The following MTA3 variants were observed in gnomAD, a reference collection of about 807,000 sequenced individuals.
MTA3 encodes the protein metastasis-associated protein MTA3.
MTA3 carries 34 observed loss-of-function variants against 83.5 expected under a neutral mutation model. The ratio of observed to expected loss-of-function variants is 0.41; its 90% CI spans 0.31 to 0.54. The LOEUF (loss-of-function observed/expected upper bound fraction) is 0.54, where lower values mean the gene tolerates loss of function less well. MTA3 is among the 20% of genes least tolerant of loss of function. The pLI, the probability that MTA3 is intolerant of heterozygous loss-of-function variation, is 0.33. For synonymous variants in MTA3, 303 were observed against 252.7 expected (o/e 1.20, Z -1.89); for missense variants, 761 against 726.4 (o/e 1.05, Z -0.55).
intron 2 of MTA3, among the ~76,000 whole-genome samples, chr2:42,502,797 CAAA>C (rs3039405): frequency 2.3e-5 from 2 of 85,328 alleles, no homozygotes; most frequent in African/African-American, 1.1e-4. Flanking sequence ...AACTCTGTCT[CAAA>C]AAAAAAAAAA....
At position 42,730,330 on chromosome 2, in the gene MTA3, C is replaced by G. The variant is rs1668152702; in HGVS notation, c.1759+7295C>G. On this transcript the variant is annotated intron_variant, in intron 16 of 16. Coordinates refer to ENST00000405094, the MANE Select transcript of MTA3 (RefSeq NM_001330442.2). ...GAAAGGCTTTCAGCTTTTCCCTGTT[C>G]AGTATGATACTAGCTATGGATCTGT... Among the ~76,000 whole-genome samples, 3 of 152,250 alleles carry G rather than the reference C, an allele frequency of 2.0e-5. No individual in the cohort carries two copies. In the South Asian group the frequency reaches 6.2e-4, roughly 32 times the overall value.
At chr2:42,547,045 A>G (rs1201718829) in intron 2 of MTA3, among the ~76,000 whole-genome samples, 1 of 152,010 alleles carries the variant, frequency 6.6e-6, no homozygotes, top group African/African-American at 2.4e-5. Context: ...TCCCCCCACT[A>G]CTCTCTGATG....
chr2:42,659,958 G>A, intron 8 of MTA3, 96 bp downstream of exon 8: 3 of 849,556 alleles, frequency 3.5e-6, no homozygotes, highest in Non-Finnish European at 3.4e-6. Context: ...GGAGCTTTTG[G>A]GCTCTTAGCC....
intron 2 of MTA3, among the ~76,000 whole-genome samples, chr2:42,537,531 C>G (rs1676299776): frequency 1.3e-5 from 2 of 151,504 alleles, no homozygotes; most frequent in Admixed American, 1.3e-4. Context: ...AGCCATTGCA[C>G]TCCAGCCTGG....
chr2:42,691,424 A>G (rs1692889741), intron 9 of MTA3, among the ~76,000 whole-genome samples: 1 of 152,174 alleles, frequency 6.6e-6, no homozygotes, highest in Non-Finnish European at 1.5e-5. Context: ...CTGCATTTTA[A>G]CTTCATTCCC....
At position 42,560,411 on chromosome 2, in the gene MTA3, C is replaced by T. The variant is rs1242279043; in HGVS notation, c.-140-10026C>T. Among the ~76,000 whole-genome samples the T allele has an allele frequency of 4.0e-5, 6 of 151,284 alleles. No individual in the cohort carries two copies. The South Asian group carries it at 1.1e-3, about 27-fold the overall frequency. ...ATAATCTCAGCACTCTGGGAGTGAG[C>T]GAGTGGATCACTTGAGGTCAGGAGT... On this transcript the variant is annotated intron_variant, in intron 2 of 17. Coordinates refer to the MTA3 transcript ENST00000405592.
intron 16 of MTA3, among the ~76,000 whole-genome samples, chr2:42,729,092 T>TGTTTTTTTG (rs1553397736): frequency 3.6e-5 from 4 of 112,260 alleles, no homozygotes; most frequent in African/African-American, 7.3e-5. Context: ...TTGAGTTTTT[T>TGTTTTTTTG]TTTTTTTTTT....
At chr2:42,656,703 T>G (rs1463587928) in intron 7 of MTA3, among the ~76,000 whole-genome samples, 1 of 152,238 alleles carries the variant, frequency 6.6e-6, no homozygotes, top group Non-Finnish European at 1.5e-5. Context: ...TAAGGCCTGT[T>G]GCTAAGCATA....
chr2:42,523,218 A>G lies in MTA3; in HGVS notation c.-141+27964A>G, dbSNP rs564783074. Among the ~76,000 whole-genome samples, 16 of 152,242 alleles carry G rather than the reference A, an allele frequency of 1.1e-4. No homozygotes were observed. In the South Asian group the frequency reaches 3.1e-3, roughly 30 times the overall value. On this transcript the variant is annotated intron_variant, in intron 2 of 17. Coordinates refer to the MTA3 transcript ENST00000405592. Reference sequence around the variant, plus strand: ...AATGTCAGTTGACTTCCCTGCCACCATGGGGTTGGATAGCTAGATGCCCCC... The same window carrying G: ...AATGTCAGTTGACTTCCCTGCCACCGTGGGGTTGGATAGCTAGATGCCCCC...
chr2:42,548,511 G>A (rs1340025214), intron 2 of MTA3, among the ~76,000 whole-genome samples: 2 of 151,628 alleles, frequency 1.3e-5, no homozygotes, highest in Non-Finnish European at 2.9e-5. Flanking sequence ...TATTAAATGG[G>A]CTGGGCATGG....
intron 4 of MTA3, among the ~76,000 whole-genome samples, chr2:42,612,353 T>C (rs1265077826): frequency 1.3e-5 from 2 of 152,044 alleles, no homozygotes; most frequent in Admixed American, 6.6e-5. Flanking sequence ...TAGCTGGGAC[T>C]ACAGGCTTGT....
intron 11 of MTA3, chr2:42,703,399 C>G (rs1201263578): frequency 6.6e-5 from 10 of 152,224 alleles, no homozygotes. Flanking sequence ...CCTGTTGACC[C>G]CGCAGCATCT....
At chr2:42,742,826 TA>T (rs1157075296) in intron 16 of MTA3, among the ~76,000 whole-genome samples, 2 of 152,242 alleles carry the variant, frequency 1.3e-5, no homozygotes, top group Non-Finnish European at 2.9e-5. Context: ...ACCTTCCTTA[TA>T]ACTATATTTA....
chr2:42,734,975 C>T (rs896282862), intron 16 of MTA3, among the ~76,000 whole-genome samples: 6 of 152,146 alleles, frequency 3.9e-5, no homozygotes, highest in African/African-American at 1.2e-4. Context: ...TTTAGTCTTT[C>T]TAGTCAAGAT....
In MTA3 at chr2:42,666,009, G is replaced by A. The variant is rs576144741; in HGVS notation, c.702+6147G>A. On this transcript the variant is annotated intron_variant, in intron 8 of 16. Coordinates refer to ENST00000405094, the MANE Select transcript of MTA3 (RefSeq NM_001330442.2). ...AGTGTAACTGTTGGCCAGGTGCCGT[G>A]GCTCACGCCTGTAATCCCAGCACTT... 2.0e-5 allele frequency among the ~76,000 whole-genome samples: 3 copies of A among 152,288 alleles called. No homozygotes were observed. In the East Asian group the frequency reaches 5.8e-4, roughly 29 times the overall value.
intron 8 of MTA3, among the ~76,000 whole-genome samples, chr2:42,679,685 T>G (rs1691694334): frequency 6.6e-6 from 1 of 152,208 alleles, no homozygotes; most frequent in South Asian, 2.1e-4. Flanking sequence ...CAACAGTGCC[T>G]TCTTCATTTT....
At chr2:42,657,453 C>A (rs143790643) in intron 7 of MTA3, among the ~76,000 whole-genome samples, 12 of 152,196 alleles carry the variant, frequency 7.9e-5, no homozygotes, top group African/African-American at 2.6e-4. Context: ...TCTAGAGTCT[C>A]CAGACAGGCT....
chr2:42,578,668 C>G (rs1002930014), intron 2 of MTA3, among the ~76,000 whole-genome samples: 18 of 152,150 alleles, frequency 1.2e-4, no homozygotes, highest in African/African-American at 4.3e-4. Context: ...CTAGTGCTTT[C>G]TGGGAATGGG....
intron 4 of MTA3, among the ~76,000 whole-genome samples, chr2:42,633,132 G>A (rs1266192697): frequency 6.6e-6 from 1 of 152,004 alleles, no homozygotes; most frequent in South Asian, 2.1e-4. Flanking sequence ...GTATGGGGGT[G>A]CATGCCTGTA....
Sources: gnomAD v4.1 joint callset for allele counts (sites outside exome capture counted in the v4.1 genomes callset) on GRCh38, gnomAD v4.1.1 for gene constraint, MANE v1.5 for transcripts, NCBI Gene and HGNC (gene_info 2026-07-23, HGNC 2026-07-21) for gene names.